CFAP44: variants seen among roughly 807,000 people sequenced by gnomAD.
CFAP44 encodes cilia and flagella associated protein 44.
In CFAP44, 134 loss-of-function variants were observed where a neutral mutation model predicts 216.2. The ratio of observed to expected loss-of-function variants is 0.62; its 90% CI spans 0.54 to 0.72. The LOEUF is 0.72. Ranked by LOEUF, CFAP44 falls within the 30% of genes least tolerant of loss-of-function variation. The probability of loss-of-function intolerance (pLI) is 0.00; values close to 1 mark genes in which losing one functional copy is unlikely to be tolerated. For synonymous variants in CFAP44, 700 were observed against 727.6 expected, an observed-to-expected ratio of 0.96 and a Z score of 0.61; for missense variants, 2,035 against 2,182.1, an observed-to-expected ratio of 0.93 and a Z score of 1.34.
chr3:113,325,819 T>C (rs1950184683), intron 28 of CFAP44, among the ~76,000 whole-genome samples: 1 of 152,188 alleles, frequency 6.6e-6, no homozygotes, highest in South Asian at 2.1e-4. Flanking sequence ...GCTCAATATG[T>C]AGCTACAATA....
intron 32 of CFAP44, among the ~76,000 whole-genome samples, chr3:113,299,394 A>T (rs1055923047): frequency 2.0e-5 from 3 of 152,350 alleles, no homozygotes; most frequent in African/African-American, 7.2e-5. Flanking sequence ...AATGGCTTTT[A>T]TCCAAAAGAC....
At chr3:113,410,571 A>T (rs141039341) in intron 6 of CFAP44, among the ~76,000 whole-genome samples, 190 of 152,266 alleles carry the variant, frequency 1.2e-3, no homozygotes, top group African/African-American at 4.5e-3. Flanking sequence ...GGTTGGTTCC[A>T]GGTCTTTGCT....
At chr3:113,308,095 C>T in intron 29 of CFAP44, 63 bp downstream of exon 29, 2 of 1,297,822 alleles carry the variant, frequency 1.5e-6, no homozygotes, top group South Asian at 1.5e-5. Flanking sequence ...CAAAAAGGGT[C>T]TTCCCAGTAT....
At chr3:113,367,722 T>G (rs1932997741) in intron 18 of CFAP44, among the ~76,000 whole-genome samples, 1 of 152,114 alleles carries the variant, frequency 6.6e-6, no homozygotes, top group Non-Finnish European at 1.5e-5. Flanking sequence ...CAAAGCTGAA[T>G]GGAGAATGAT....
At chr3:113,371,825 C>T (rs536383588) in intron 18 of CFAP44, among the ~76,000 whole-genome samples, 7 of 152,064 alleles carry the variant, frequency 4.6e-5, no homozygotes, top group East Asian at 1.9e-4. Context: ...TGCAATCTAC[C>T]CATCTGACAA....
chr3:113,377,125 T>G (rs1309724507), intron 17 of CFAP44, among the ~76,000 whole-genome samples: 3 of 152,214 alleles, frequency 2.0e-5, no homozygotes, highest in Admixed American at 6.5e-5. Context: ...GAGATGAGGT[T>G]ATCATTGAAG....
In CFAP44 at chr3:113,366,325, T is replaced by C; in HGVS notation, c.2445-16A>G. 2 of 1,588,982 alleles carry C rather than the reference T, an allele frequency of 1.3e-6. No homozygotes were observed. The highest frequency in any genetic ancestry group is 1.7e-6 in the Non-Finnish European group (2 of 1,164,846). On this transcript the variant is annotated splice_polypyrimidine_tract_variant and intron_variant, in intron 18 of 34. Transcript: ENST00000393845. The stretch of plus-strand genomic sequence containing the variant: ...TTTGTTAATGCTACGAAACAAAAAA[T>C]GTAAATTGTTCTTCCCATTAATCTG...
Position 113,420,142 on chromosome 3 carries a change from G to A in CFAP44, c.445C>T (p.Leu149=). 6.2e-7 allele frequency: 1 copy of A among 1,613,668 alleles called. No individual in the cohort carries two copies. Among genetic ancestry groups the A allele is most frequent in the Non-Finnish European group, 8.5e-7 (1 of 1,179,792 alleles). Residue 149 remains leucine (L), a synonymous_variant, in exon 5 of 35, where the codon CTA becomes TTA. Coordinates refer to ENST00000393845, the MANE Select transcript of CFAP44 (RefSeq NM_001164496.2). ...FGYDCRKRAN[L]QLLDDSIAIY... ...GCGATACTGTCGTCCAGAAGTTGTA[G>A]GTTGGCTCGCTTTCTACAGTCATAA...
chr3:113,407,481 A>G (rs972726109), intron 7 of CFAP44, among the ~76,000 whole-genome samples: 1 of 152,206 alleles, frequency 6.6e-6, no homozygotes, highest in African/African-American at 2.4e-5. Flanking sequence ...AGAAAGTTCT[A>G]TTAGACAGTA....
intron 32 of CFAP44, among the ~76,000 whole-genome samples, chr3:113,298,830 G>A (rs925777342): frequency 6.6e-6 from 1 of 152,172 alleles, no homozygotes; most frequent in Non-Finnish European, 1.5e-5. Context: ...TTCCTGGAGC[G>A]GAGGGAGAGG....
rs1277631086 is a variant in CFAP44, at chr3:113,326,615, T to A, written c.4346A>T (p.Glu1449Val). The A allele has an allele frequency of 1.3e-6, 2 of 1,501,304 alleles. No individual in the cohort carries two copies. The highest frequency in any genetic ancestry group is 1.8e-6 in the Non-Finnish European group (2 of 1,136,324). The allele number at this position is 1,501,304 out of a possible 1,614,324, so 93.0% of individuals were successfully genotyped here. A position where few individuals can be genotyped will look rare whatever the true frequency, so the allele number is the denominator to read the frequency against. The stretch of plus-strand genomic sequence containing the variant: ...GATTTCATTCTTTTTCTCTTCCATC[T>A]CTTTAAGAGTTTCATTTATTTTCCA... ...MQWKINETLK[E>V]MEEKKNEITK... Residue 1449 changes from glutamate (E) to valine (V), a missense_variant, in exon 28 of 35, where the codon GAG becomes GTG. Transcript: ENST00000393845.
At chr3:113,413,285 G>A (rs1934543164) in intron 6 of CFAP44, among the ~76,000 whole-genome samples, 2 of 152,112 alleles carry the variant, frequency 1.3e-5, no homozygotes. Flanking sequence ...TGTCAGATGG[G>A]TAGATTGCAA....
intron 16 of CFAP44, among the ~76,000 whole-genome samples, chr3:113,380,534 G>A (rs991996588): frequency 1.3e-5 from 2 of 151,838 alleles, no homozygotes; most frequent in South Asian, 2.1e-4. Flanking sequence ...GGGCTCAAGC[G>A]ATCCTCCCAC....
intron 17 of CFAP44, 30 bp from the exon 18 acceptor site, chr3:113,373,586 G>A (rs762098096): frequency 2.7e-6 from 4 of 1,488,272 alleles, no homozygotes; most frequent in South Asian, 1.5e-5. Context: ...CATAGAAGGT[G>A]GTACTTGAAT....
intron 22 of CFAP44, among the ~76,000 whole-genome samples, chr3:113,351,000 T>A (rs970634757): frequency 6.6e-6 from 1 of 152,106 alleles, no homozygotes; most frequent in Non-Finnish European, 1.5e-5. Context: ...CCTGGGCGAT[T>A]GAGGGAAAAA....
At chr3:113,320,642 C>A (rs1054174277) in intron 28 of CFAP44, among the ~76,000 whole-genome samples, 2 of 151,120 alleles carry the variant, frequency 1.3e-5, no homozygotes, top group African/African-American at 2.4e-5. Context: ...GTCACATGAT[C>A]ACAAGGTCCT....
chr3:113,357,033 T>A (rs1487233836), intron 22 of CFAP44, among the ~76,000 whole-genome samples: 1 of 152,188 alleles, frequency 6.6e-6, no homozygotes, highest in African/African-American at 2.4e-5. Context: ...ACATAATTCC[T>A]GCAACCCAGT....
At position 113,427,439 on chromosome 3, in the gene CFAP44, A is replaced by C; in HGVS notation, c.101-100T>G. On this transcript the variant is annotated intron_variant, in intron 2 of 34. Transcript: ENST00000393845. ...AATTTCCTTGTGCTATAGATGTAATAAATCTAATACATACTCAAAAATTTC... is the reference window on the plus strand; with the variant it reads ...AATTTCCTTGTGCTATAGATGTAATCAATCTAATACATACTCAAAAATTTC... 3 of 859,200 alleles carry C rather than the reference A, an allele frequency of 3.5e-6. No individual in the cohort carries two copies. The South Asian group carries it at 5.6e-5, about 16-fold the overall frequency. 53.2% of individuals were successfully genotyped at this position (859,200 alleles called of 1,614,324 possible).
chr3:113,414,300 T>C (rs1934580126), intron 6 of CFAP44, among the ~76,000 whole-genome samples: 1 of 152,202 alleles, frequency 6.6e-6, no homozygotes. Context: ...TCATGTCATC[T>C]GCAAACAGTG....
Sources: allele counts gnomAD v4.1 joint callset (sites outside exome capture counted in the v4.1 genomes callset), GRCh38; gene constraint gnomAD v4.1.1; transcripts MANE v1.5; gene names NCBI Gene and HGNC (gene_info 2026-07-23, HGNC 2026-07-21).